Variants in BMPR1B observed in about 807,000 individuals in gnomAD.
BMPR1B encodes bone morphogenetic protein receptor type 1B.
Under a neutral mutation model 59.1 loss-of-function variants are expected in BMPR1B, and 12 were observed. The observed-to-expected ratio is 0.20, with a 90% CI of 0.13 to 0.33. The LOEUF (loss-of-function observed/expected upper bound fraction) is 0.33, where lower values mean the gene tolerates loss of function less well. BMPR1B is among the 10% of genes least tolerant of loss of function. The probability of loss-of-function intolerance (pLI) is 1.00; values close to 1 mark genes in which losing one functional copy is unlikely to be tolerated. For missense variants in BMPR1B, 550 were observed against 610.9 expected, an observed-to-expected ratio of 0.90 and a Z score of 1.05; for synonymous variants, 237 against 207.3, an observed-to-expected ratio of 1.14 and a Z score of -1.23.
chr4:94,947,418 G>T (rs186868120), intron 2 of BMPR1B, among the ~76,000 whole-genome samples: 7 of 152,232 alleles, frequency 4.6e-5, no homozygotes, highest in Admixed American at 6.5e-5. Context: ...GGGAATATTG[G>T]CAAGGAATAG....
intron 1 of BMPR1B, among the ~76,000 whole-genome samples, chr4:94,821,904 A>G (rs994777480): frequency 2.6e-5 from 4 of 152,214 alleles, no homozygotes; most frequent in African/African-American, 9.7e-5. Context: ...TCCCCGGTTA[A>G]TGAAACACCC....
intron 3 of BMPR1B, among the ~76,000 whole-genome samples, chr4:95,057,331 G>A (rs1355339252): frequency 1.3e-5 from 2 of 151,734 alleles, no homozygotes; most frequent in Non-Finnish European, 2.9e-5. Context: ...TGCAACCTCC[G>A]CCTCCCGAGT....
intron 3 of BMPR1B, among the ~76,000 whole-genome samples, chr4:95,049,129 T>C (rs931567453): frequency 1.3e-5 from 2 of 151,954 alleles, no homozygotes; most frequent in Non-Finnish European, 2.9e-5. Flanking sequence ...AGAAGTCTTT[T>C]TGGAGATGGG....
At chr4:94,846,566 C>G (rs1470745527) in intron 1 of BMPR1B, among the ~76,000 whole-genome samples, 2 of 152,112 alleles carry the variant, frequency 1.3e-5, no homozygotes, top group African/African-American at 2.4e-5. Context: ...ATGCTTCCTG[C>G]CCTTGAACAT....
chr4:95,035,949 A>AT (rs1449845711), intron 3 of BMPR1B, among the ~76,000 whole-genome samples: 1 of 152,062 alleles, frequency 6.6e-6, no homozygotes, highest in Non-Finnish European at 1.5e-5. Context: ...GTCATCTATG[A>AT]TTTTTTCAGC....
chr4:95,052,800 G>T (rs898202104), intron 3 of BMPR1B, among the ~76,000 whole-genome samples: 5 of 152,082 alleles, frequency 3.3e-5, no homozygotes, highest in Admixed American at 6.5e-5. Flanking sequence ...TAATTTTTGT[G>T]TGTTGATATG....
intron 5 of BMPR1B, 141 bp downstream of exon 5, chr4:95,114,963 A>G: frequency 1.3e-6 from 1 of 789,810 alleles, no homozygotes; most frequent in Non-Finnish European, 2.2e-6. Context: ...GGTCAGCAAC[A>G]GATGGTATGT....
chr4:95,103,516 A>T, intron 3 of BMPR1B: 2 of 983,680 alleles, frequency 2.0e-6, no homozygotes, highest in Non-Finnish European at 2.4e-6. Flanking sequence ...GAAACAAAAT[A>T]GGTAATAATT....
At chr4:94,859,108 A>G (rs974266563) in intron 1 of BMPR1B, among the ~76,000 whole-genome samples, 11 of 152,190 alleles carry the variant, frequency 7.2e-5, no homozygotes, top group African/African-American at 2.4e-4. Context: ...GCCTTTTTTG[A>G]AGAATTTGAA....
intron 3 of BMPR1B, among the ~76,000 whole-genome samples, chr4:95,055,961 G>A (rs1726898290): frequency 6.6e-6 from 1 of 152,074 alleles, no homozygotes. Context: ...TTAGAACATT[G>A]TACAAATCTT....
chr4:95,139,710 A>AC (rs1734074277), intron 10 of BMPR1B, among the ~76,000 whole-genome samples: 2 of 151,454 alleles, frequency 1.3e-5, no homozygotes, highest in Non-Finnish European at 2.9e-5. Context: ...GGACCCTCCG[A>AC]GCCGGGCGTG....
chr4:95,084,645 G>A (rs1729430874), intron 3 of BMPR1B, among the ~76,000 whole-genome samples: 1 of 152,110 alleles, frequency 6.6e-6, no homozygotes, highest in South Asian at 2.1e-4. Flanking sequence ...ACCCATCCAG[G>A]GAGTGTGGTC....
chr4:94,882,543 A>G (rs766080205), intron 2 of BMPR1B, among the ~76,000 whole-genome samples: 2 of 152,242 alleles, frequency 1.3e-5, no homozygotes, highest in Non-Finnish European at 2.9e-5. Flanking sequence ...TCTTGTCAAT[A>G]ACTCTTTAAA....
At chr4:94,801,004 T>A (rs1230668235) in intron 1 of BMPR1B, among the ~76,000 whole-genome samples, 4 of 152,136 alleles carry the variant, frequency 2.6e-5, no homozygotes, top group Admixed American at 6.5e-5. Flanking sequence ...AAGGTGGGAT[T>A]TGAGCTAAAT....
intron 2 of BMPR1B, among the ~76,000 whole-genome samples, chr4:94,905,630 G>A (rs188922638): frequency 3.2e-4 from 48 of 151,836 alleles, no homozygotes; most frequent in Admixed American, 2.6e-3. Context: ...CAAAGACACC[G>A]GCTGTCATTG....
At chr4:94,950,196 A>G (rs1729877677) in intron 2 of BMPR1B, among the ~76,000 whole-genome samples, 1 of 152,138 alleles carries the variant, frequency 6.6e-6, no homozygotes, top group South Asian at 2.1e-4. Flanking sequence ...GCCGTTTGTC[A>G]GATGGATAGA....
At chr4:95,017,651 G>T (rs1250836056) in intron 3 of BMPR1B, among the ~76,000 whole-genome samples, 1 of 152,132 alleles carries the variant, frequency 6.6e-6, no homozygotes, top group African/African-American at 2.4e-5. Context: ...TTTCAGTGTT[G>T]CCCTAAAAAC....
intron 2 of BMPR1B, among the ~76,000 whole-genome samples, chr4:94,932,711 A>G (rs1729142425): frequency 6.6e-6 from 1 of 152,162 alleles, no homozygotes; most frequent in African/African-American, 2.4e-5. Context: ...CATCACACAG[A>G]TAAATAGACA....
intron 1 of BMPR1B, among the ~76,000 whole-genome samples, chr4:94,857,333 TATGTAGCCGTTTAGGC>T (rs1330708657): frequency 2.6e-5 from 4 of 152,190 alleles, no homozygotes; most frequent in African/African-American, 9.7e-5. Context: ...CTATGTGAAA[TATGTAGCCGTTTAGGC>T]AGTTTTGTAC....
Sources: allele counts gnomAD v4.1 joint callset (sites outside exome capture counted in the v4.1 genomes callset), GRCh38; gene constraint gnomAD v4.1.1; transcripts MANE v1.5; gene names NCBI Gene and HGNC (gene_info 2026-07-23, HGNC 2026-07-21).